The following ADSL variants were observed in gnomAD, a reference collection of about 807,000 sequenced individuals.
The protein encoded by ADSL is adenylosuccinase.
Under a neutral mutation model 62.1 loss-of-function variants are expected in ADSL, and 44 were observed. The observed-to-expected ratio is 0.71, with a 90% CI of 0.56 to 0.91. The LOEUF (loss-of-function observed/expected upper bound fraction) is 0.91, where lower values mean the gene tolerates loss of function less well. ADSL is among the 40% of genes least tolerant of loss of function. The probability of loss-of-function intolerance (pLI) is 0.00; values close to 1 mark genes in which losing one functional copy is unlikely to be tolerated. For synonymous variants in ADSL, 198 were observed against 220.5 expected (o/e 0.90, Z 0.90); for missense variants, 531 against 627.4 (o/e 0.85, Z 1.64).
At position 40,366,803 on chromosome 22, in the gene ADSL, G is replaced by A. The variant is rs1010938460; in HGVS notation, c.*281G>A. The A allele has an allele frequency of 2.8e-5, 11 of 386,210 alleles. No homozygotes were observed. The highest frequency in any genetic ancestry group is 4.1e-5 in the Admixed American group (1 of 24,522). 23.9% of individuals were successfully genotyped at this position (386,210 alleles called of 1,614,324 possible). The stretch of plus-strand genomic sequence containing the variant: ...CTGCCTCAAGTTTAGTCCTTTTCAC[G>A]TGTTCATTTGCTTGTAAAGTAGCAA... On this transcript the variant is annotated 3_prime_UTR_variant, in exon 13 of 13. Transcript: ENST00000623063.
downstream of ADSL, among the ~76,000 whole-genome samples, chr22:40,374,309 T>G (rs2046163104): frequency 6.6e-6 from 1 of 152,226 alleles, no homozygotes; most frequent in Non-Finnish European, 1.5e-5. Flanking sequence ...TGTGAAGATG[T>G]CACTGGACTG....
chr22:40,378,784 T>C (rs559329854), intron 2 of ADSL, among the ~76,000 whole-genome samples: 64 of 152,130 alleles, frequency 4.2e-4, no homozygotes, highest in Non-Finnish European at 8.5e-4. Flanking sequence ...CTGAATGAAC[T>C]GTAAAGTTCT....
chr22:40,382,145 A>T (rs1316908338), intron 2 of ADSL, among the ~76,000 whole-genome samples: 1 of 152,114 alleles, frequency 6.6e-6, no homozygotes, highest in Non-Finnish European at 1.5e-5. Context: ...TGAGGTCAGG[A>T]TAAGTTTAGG....
intron 2 of ADSL, among the ~76,000 whole-genome samples, chr22:40,382,058 T>C (rs1187224002): frequency 6.6e-6 from 1 of 152,166 alleles, no homozygotes; most frequent in Non-Finnish European, 1.5e-5. Context: ...CTGTCCTGTC[T>C]AGGATCTAGC....
chr22:40,379,876 A>T (rs1252250849), intron 2 of ADSL, among the ~76,000 whole-genome samples: 2 of 151,920 alleles, frequency 1.3e-5, no homozygotes, highest in Non-Finnish European at 2.9e-5. Context: ...CGCCCAGCTA[A>T]TTTTTGTATT....
intron 2 of ADSL, among the ~76,000 whole-genome samples, chr22:40,378,982 C>T (rs2047111300): frequency 6.6e-6 from 1 of 152,204 alleles, no homozygotes; most frequent in Admixed American, 6.5e-5. Flanking sequence ...TCACCTTCTT[C>T]AGGTGTTTGC....
intron 6 of ADSL, among the ~76,000 whole-genome samples, chr22:40,360,039 A>G (rs185880998): frequency 1.3e-4 from 20 of 152,266 alleles, no homozygotes; most frequent in Admixed American, 1.2e-3. Context: ...GTGGCCAGAC[A>G]TGGGCACGTT....
rs566563539 is a variant in ADSL, at chr22:40,362,189, C to G, written c.1010+554C>G. Among the ~76,000 whole-genome samples the G allele has an allele frequency of 6.2e-4, 95 of 152,218 alleles. 4 individuals are homozygous for G. In the South Asian group the frequency reaches 0.019, roughly 30 times the overall value. On this transcript the variant is annotated intron_variant, in intron 9 of 12. Transcript: ENST00000623063. ...TAACTACTGTTGAGGTGCCAACATG[C>G]GCATCATTTTCTGTTTTATGTATAT...
rs191789301 is a variant in ADSL at position 40,380,348 on chromosome 22, A to G, written c.90-9882A>G. On this transcript the variant is annotated intron_variant, in intron 2 of 2. Transcript: ENST00000498234. ...ATTGTACATTTTCTAGCTTTTTTTAACCATGAATATCTATAATTTTTTTTT... is the reference window on the plus strand; with the variant it reads ...ATTGTACATTTTCTAGCTTTTTTTAGCCATGAATATCTATAATTTTTTTTT... Among the ~76,000 whole-genome samples the G allele has an allele frequency of 2.6e-3, 386 of 150,246 alleles. 1 individual carries two copies. Among genetic ancestry groups the G allele is most frequent in the Non-Finnish European group, 2.8e-3 (188 of 67,666 alleles).
intron 10 of ADSL, among the ~76,000 whole-genome samples, 175 bp downstream of exon 10, chr22:40,363,246 C>T (rs1422450090): frequency 6.6e-6 from 1 of 152,158 alleles, no homozygotes; most frequent in Non-Finnish European, 1.5e-5. Context: ...TTCATAGACA[C>T]ATTATAGAAA....
At chr22:40,366,393 T>A (rs190018503) in intron 12 of ADSL, 43 bp from the exon 13 acceptor site, 194 of 1,403,036 alleles carry the variant, frequency 1.4e-4, no homozygotes, top group Admixed American at 7.4e-4. Flanking sequence ...TCTGCTAATA[T>A]CTTAACATTT....
At chr22:40,381,003 A>T (rs1456034968) in intron 2 of ADSL, among the ~76,000 whole-genome samples, 1 of 152,132 alleles carries the variant, frequency 6.6e-6, no homozygotes, top group African/African-American at 2.4e-5. Context: ...ATTTTCCCCC[A>T]TTGATTCACA....
chr22:40,360,210 T>G (rs1349207791), intron 6 of ADSL, among the ~76,000 whole-genome samples, 192 bp from the exon 7 acceptor site: 1 of 152,208 alleles, frequency 6.6e-6, no homozygotes, highest in East Asian at 1.9e-4. Flanking sequence ...TGTTTTTCCT[T>G]GTTTGACAGA....
intron 3 of ADSL, 79 bp from the exon 4 acceptor site, chr22:40,354,169 A>G (rs1002780331): frequency 8.2e-7 from 1 of 1,220,552 alleles, no homozygotes; most frequent in African/African-American, 1.5e-5. Context: ...ATACAAAATT[A>G]TCTGAAAGTT....
At chr22:40,349,751 T>G in intron 1 of ADSL, 81 bp from the exon 2 acceptor site, 1 of 1,241,794 alleles carries the variant, frequency 8.1e-7, no homozygotes. Context: ...CTAACATGAA[T>G]CAGTTTTTTT....
downstream of ADSL, among the ~76,000 whole-genome samples, chr22:40,369,682 T>G (rs2045140094): frequency 6.6e-6 from 1 of 151,962 alleles, no homozygotes; most frequent in Admixed American, 6.6e-5. Flanking sequence ...TTTTGTTGTT[T>G]TTTGTAGAGA....
chr22:40,356,201 CAAA>C (rs938069843), intron 4 of ADSL, among the ~76,000 whole-genome samples: 18 of 126,540 alleles, frequency 1.4e-4, no homozygotes, highest in African/African-American at 5.0e-4. Context: ...GACTCCACCT[CAAA>C]AAAAAAAAAG....
chr22:40,365,167 C>G, intron 12 of ADSL, 111 bp downstream of exon 12: 6 of 1,195,786 alleles, frequency 5.0e-6, no homozygotes, highest in Non-Finnish European at 7.4e-6. Context: ...AGAAGAAAAT[C>G]AGAGCAGGTT....
chr22:40,386,258 T>C (rs1181047563), intron 2 of ADSL, among the ~76,000 whole-genome samples: 1 of 152,172 alleles, frequency 6.6e-6, no homozygotes, highest in Admixed American at 6.5e-5. Flanking sequence ...GTTGTCTAAC[T>C]TTTACAACAT....
Sources: gnomAD v4.1 joint callset for allele counts (sites outside exome capture counted in the v4.1 genomes callset) on GRCh38, gnomAD v4.1.1 for gene constraint, MANE v1.5 for transcripts, NCBI Gene and HGNC (gene_info 2026-07-23, HGNC 2026-07-21) for gene names.